Variants in TMEM132C observed in about 807,000 individuals in gnomAD.
TMEM132C encodes the protein protein phosphatase 1, regulatory subunit 152.
Under a neutral mutation model 61.4 loss-of-function variants are expected in TMEM132C, and 29 were observed. The ratio of observed to expected loss-of-function variants is 0.47; its 90% CI spans 0.35 to 0.64. The LOEUF (loss-of-function observed/expected upper bound fraction) is 0.64. Ranked by LOEUF, TMEM132C falls within the 30% of genes least tolerant of loss-of-function variation. The probability of loss-of-function intolerance (pLI) is 0.00; values close to 1 mark genes in which losing one functional copy is unlikely to be tolerated. For missense variants in TMEM132C, 1,408 were observed against 1,476.9 expected (o/e 0.95, Z 0.76); for synonymous variants, 656 against 633.1 (o/e 1.04, Z -0.54).
chr12:128,268,521 G>A (rs1592990648), intron 1 of TMEM132C, among the ~76,000 whole-genome samples: 1 of 151,948 alleles, frequency 6.6e-6, no homozygotes, highest in Admixed American at 6.5e-5. Context: ...CCCGCGCCCT[G>A]GCGAAGGTCT....
intron 3 of TMEM132C, among the ~76,000 whole-genome samples, chr12:128,577,778 C>G (rs1423958908): frequency 6.6e-6 from 1 of 152,210 alleles, no homozygotes; most frequent in Non-Finnish European, 1.5e-5. Flanking sequence ...GGATGAGTCT[C>G]TCCTCCTCAC....
chr12:128,689,965 C>T (rs561444633), intron 5 of TMEM132C, among the ~76,000 whole-genome samples: 1 of 152,348 alleles, frequency 6.6e-6, no homozygotes, highest in South Asian at 2.1e-4. Context: ...TCCCACAGGA[C>T]ATCCGTGGCT....
chr12:128,267,395 G>A lies in TMEM132C; in HGVS notation c.-8G>A, dbSNP rs2135883810. Reference sequence around the variant, plus strand: ...GGCGGCGGGCTGCGTGAGCGGCCGGGACGCAGGATGCGCTCCGAGGGTGCG... The same window carrying A: ...GGCGGCGGGCTGCGTGAGCGGCCGGAACGCAGGATGCGCTCCGAGGGTGCG... On this transcript the variant is annotated 5_prime_UTR_variant, in exon 1 of 9. Transcript: ENST00000435159. The A allele has an allele frequency of 8.6e-7, 1 of 1,168,828 alleles. No homozygotes were observed. The highest frequency in any genetic ancestry group is 1.1e-6 in the Non-Finnish European group (1 of 948,848). 72.4% of individuals were successfully genotyped at this position (1,168,828 alleles called of 1,614,324 possible).
chr12:128,640,045 A>AT (rs1954145760), intron 4 of TMEM132C, among the ~76,000 whole-genome samples: 1 of 152,192 alleles, frequency 6.6e-6, no homozygotes, highest in Non-Finnish European at 1.5e-5. Flanking sequence ...ACAAGACAGA[A>AT]ATCAGCAAGG....
At chr12:128,479,647 A>G (rs895147643) in intron 2 of TMEM132C, among the ~76,000 whole-genome samples, 3 of 152,228 alleles carry the variant, frequency 2.0e-5, no homozygotes, top group Admixed American at 6.5e-5. Context: ...AAGAGACTGC[A>G]TGGCCCAAGA....
chr12:128,292,214 T>A (rs1178896556), intron 1 of TMEM132C, among the ~76,000 whole-genome samples: 1 of 152,234 alleles, frequency 6.6e-6, no homozygotes, highest in African/African-American at 2.4e-5. Flanking sequence ...CTTATGCACA[T>A]TCAAGTTTGC....
chr12:128,696,410 T>C (rs1391019757), intron 7 of TMEM132C, among the ~76,000 whole-genome samples: 2 of 152,176 alleles, frequency 1.3e-5, no homozygotes, highest in Non-Finnish European at 2.9e-5. Flanking sequence ...TTTCTAACTT[T>C]TTCCCCCTAT....
intron 6 of TMEM132C, among the ~76,000 whole-genome samples, chr12:128,694,789 G>C (rs189483546): frequency 6.6e-6 from 1 of 152,334 alleles, no homozygotes; most frequent in Admixed American, 6.5e-5. Flanking sequence ...GAGGAAAGCT[G>C]TGAATCTACC....
chr12:128,415,060 C>G lies in TMEM132C; in HGVS notation c.414C>G (p.Asp138Glu), dbSNP rs1868716153. 1.3e-6 allele frequency: 2 copies of G among 1,594,826 alleles called. No homozygotes were observed. The highest frequency in any genetic ancestry group is 2.3e-5 in the East Asian group (1 of 43,884). ...AACTAAAAGCCCACATCCTGCGGGA[C>G]AAAGTCTACCTGAGCCGGCCCAAAG... The part of the protein sequence containing the change: ...DWKLKAHILR[D>E]KVYLSRPKVQ... The change falls in exon 2 of 9, where the codon GAC becomes GAG. Residue 138 changes from aspartate to glutamate, a missense_variant. Asp to Glu is a conservative substitution (Grantham distance 45). Transcript: ENST00000435159. The surrounding 1 kb of genome is among the most constrained non-coding windows in gnomAD (Gnocchi z 5.8).
intron 1 of TMEM132C, among the ~76,000 whole-genome samples, chr12:128,406,258 TC>T (rs980489476): frequency 3.3e-5 from 5 of 152,138 alleles, no homozygotes; most frequent in African/African-American, 7.2e-5. Context: ...AGTGGCTTCG[TC>T]CCCCATCTGG....
rs1306284999 is a variant in TMEM132C, at chr12:128,665,844, G to GGC, written c.1306-3572_1306-3571dup. 3.9e-4 allele frequency among the ~76,000 whole-genome samples: 16 copies of GGC among 41,264 alleles called. 1 individual carries two copies. Among genetic ancestry groups the GGC allele is most frequent in the African/African-American group, 9.2e-4 (8 of 8,724 alleles). 27.1% of individuals were successfully genotyped at this position (41,264 alleles called of 152,430 possible). A position where few individuals can be genotyped will look rare whatever the true frequency, so the allele number is the denominator to read the frequency against. ...ATTCACAGGCACTCACACAAACACA[G>GGC]GCACACACACACACATACACACAGG... is the stretch of plus-strand genomic sequence containing the variant. On this transcript the variant is annotated intron_variant, in intron 4 of 8. Coordinates refer to ENST00000435159, the MANE Select transcript of TMEM132C (RefSeq NM_001136103.3).
intron 5 of TMEM132C, among the ~76,000 whole-genome samples, chr12:128,692,569 G>T (rs1028096790): frequency 6.6e-6 from 1 of 152,134 alleles, no homozygotes; most frequent in Non-Finnish European, 1.5e-5. Context: ...ATTTCCAGGG[G>T]ATTTAACTAT....
intron 1 of TMEM132C, among the ~76,000 whole-genome samples, chr12:128,408,764 A>G (rs1868407936): frequency 6.6e-6 from 1 of 152,210 alleles, no homozygotes; most frequent in South Asian, 2.1e-4. Flanking sequence ...ACCCCAGAAC[A>G]AGGCCTCTGG....
intron 2 of TMEM132C, among the ~76,000 whole-genome samples, chr12:128,428,377 A>G (rs1869268860): frequency 6.6e-6 from 1 of 152,070 alleles, no homozygotes; most frequent in African/African-American, 2.4e-5. Context: ...GGTTCTCTAC[A>G]TGGTCACCCC....
intron 3 of TMEM132C, among the ~76,000 whole-genome samples, chr12:128,553,796 C>CA (rs1387198570): frequency 2.6e-5 from 4 of 152,140 alleles, no homozygotes; most frequent in Non-Finnish European, 5.9e-5. Flanking sequence ...CCTTCACACC[C>CA]AACATAGAAA....
chr12:128,549,527 A>G (rs1426618722), intron 3 of TMEM132C, among the ~76,000 whole-genome samples: 1 of 152,134 alleles, frequency 6.6e-6, no homozygotes. Context: ...CGTTTCTTCA[A>G]CAAATTATGT....
intron 1 of TMEM132C, among the ~76,000 whole-genome samples, chr12:128,276,888 G>A (rs868695811): frequency 1.6e-4 from 14 of 85,804 alleles, no homozygotes; most frequent in African/African-American, 4.7e-4. Flanking sequence ...ATGCATGTGC[G>A]TGCATGCACA....
At chr12:128,369,992 G>A (rs993711683) in intron 1 of TMEM132C, among the ~76,000 whole-genome samples, 1 of 152,242 alleles carries the variant, frequency 6.6e-6, no homozygotes, top group African/African-American at 2.4e-5. Context: ...CTAGGCCCTT[G>A]TTTATTGCTG....
chr12:128,497,733 T>C (rs1459694354), intron 2 of TMEM132C, among the ~76,000 whole-genome samples: 1 of 152,126 alleles, frequency 6.6e-6, no homozygotes, highest in African/African-American at 2.4e-5. Context: ...GTCTGTCACC[T>C]CTTCCCTTGG....
Sources: allele counts gnomAD v4.1 joint callset (sites outside exome capture counted in the v4.1 genomes callset), GRCh38; gene constraint gnomAD v4.1.1; non-coding constraint Gnocchi (gnomAD v3.1); transcripts MANE v1.5; gene names NCBI Gene and HGNC (gene_info 2026-07-23, HGNC 2026-07-21).